ABHD3: variants seen among roughly 807,000 people sequenced by gnomAD.
ABHD3 encodes the protein phospholipase ABHD3.
In ABHD3, 46 loss-of-function variants were observed where a neutral mutation model predicts 48.8. That is an observed-to-expected ratio of 0.94 (90% confidence interval 0.74 to 1.20). The LOEUF (loss-of-function observed/expected upper bound fraction) is 1.20. Among genes scored for constraint, ABHD3 ranks in the 50% most tolerant of loss-of-function variants. ABHD3 has a pLI of 0.00. For missense variants in ABHD3, 490 were observed against 497.8 expected (o/e 0.98, Z 0.15); for synonymous variants, 192 against 183.7 (o/e 1.04, Z -0.36).
intron 4 of ABHD3, among the ~76,000 whole-genome samples, chr18:21,678,496 G>C (rs919756268): frequency 1.3e-5 from 2 of 152,034 alleles, no homozygotes; most frequent in Admixed American, 6.5e-5. Flanking sequence ...ACTAAAAATA[G>C]CTTTCTGTGT....
chr18:21,663,718 A>G, intron 5 of ABHD3: 4 of 1,535,628 alleles, frequency 2.6e-6, no homozygotes, highest in Non-Finnish European at 3.5e-6. Flanking sequence ...AGCTGGAGAG[A>G]GCAATAAGTG....
At chr18:21,697,628 G>A (rs1049643677) in intron 3 of ABHD3, among the ~76,000 whole-genome samples, 3 of 151,970 alleles carry the variant, frequency 2.0e-5, no homozygotes, top group East Asian at 3.9e-4. Context: ...TGATCCACCC[G>A]CCTCGGCCTC....
chr18:21,692,896 G>C (rs1225701141), intron 3 of ABHD3, among the ~76,000 whole-genome samples: 1 of 152,188 alleles, frequency 6.6e-6, no homozygotes, highest in Non-Finnish European at 1.5e-5. Context: ...GTGCTTGTAA[G>C]TAACAGTTGT....
chr18:21,700,827 CAAAAAAAAA>C (rs375239917), intron 3 of ABHD3, among the ~76,000 whole-genome samples: 3 of 94,396 alleles, frequency 3.2e-5, no homozygotes, highest in Non-Finnish European at 4.4e-5. Flanking sequence ...AAGTTTTAGC[CAAAAAAAAA>C]AAAAAAAAAA....
intron 4 of ABHD3, among the ~76,000 whole-genome samples, chr18:21,681,322 C>A (rs550603757): frequency 1.3e-5 from 2 of 152,280 alleles, no homozygotes; most frequent in East Asian, 3.9e-4. Flanking sequence ...ATAGCAGCAT[C>A]TTCCATCAGC....
At chr18:21,683,835 TTAAA>T (rs1568154964) in intron 4 of ABHD3, 81 bp downstream of exon 4, 2 of 1,343,420 alleles carry the variant, frequency 1.5e-6, no homozygotes, top group African/African-American at 3.0e-5. Context: ...CAGAGTTATT[TTAAA>T]TAAAAAGAAT....
At chr18:21,669,530 C>T (rs1021993081) in intron 4 of ABHD3, among the ~76,000 whole-genome samples, 1 of 152,150 alleles carries the variant, frequency 6.6e-6, no homozygotes, top group Non-Finnish European at 1.5e-5. Context: ...CACCTCTCCC[C>T]AGTGACTGAA....
intron 2 of ABHD3, 31 bp downstream of exon 2, chr18:21,703,553 C>A (rs974308193): frequency 1.9e-6 from 3 of 1,588,786 alleles, no homozygotes; most frequent in Non-Finnish European, 2.6e-6. Context: ...TGTGATTTTG[C>A]AGAAATGACT....
intron 3 of ABHD3, among the ~76,000 whole-genome samples, chr18:21,687,008 T>A (rs1402820293): frequency 6.6e-5 from 10 of 152,008 alleles, no homozygotes; most frequent in Admixed American, 3.9e-4. Flanking sequence ...CTCAACCTCC[T>A]GGGCTCATGT....
At chr18:21,692,910 T>C (rs1175169041) in intron 3 of ABHD3, among the ~76,000 whole-genome samples, 1 of 152,214 alleles carries the variant, frequency 6.6e-6, no homozygotes, top group African/African-American at 2.4e-5. Context: ...CAGTTGTTAC[T>C]CCAGTGTCAC....
intron 3 of ABHD3, among the ~76,000 whole-genome samples, chr18:21,695,621 C>T (rs2040352978): frequency 6.7e-6 from 1 of 149,376 alleles, no homozygotes; most frequent in African/African-American, 2.5e-5. Flanking sequence ...ATTAAATTTG[C>T]CATTACTTTT....
At chr18:21,683,880 C>G (rs1249214468) in intron 4 of ABHD3, 40 bp downstream of exon 4, 1 of 1,517,628 alleles carries the variant, frequency 6.6e-7, no homozygotes, top group Non-Finnish European at 8.9e-7. Flanking sequence ...AGAAATGATT[C>G]TTTAAAAAGT....
At chr18:21,679,171 T>C (rs2039952825) in intron 4 of ABHD3, among the ~76,000 whole-genome samples, 1 of 152,222 alleles carries the variant, frequency 6.6e-6, no homozygotes, top group Non-Finnish European at 1.5e-5. Context: ...CTAAGCTACA[T>C]TAAATTATTT....
intron 3 of ABHD3, among the ~76,000 whole-genome samples, chr18:21,697,883 C>T (rs2040416217): frequency 6.6e-6 from 1 of 152,006 alleles, no homozygotes; most frequent in Non-Finnish European, 1.5e-5. Context: ...TTTGACCATA[C>T]GCTGGGAGTT....
chr18:21,690,503 G>T (rs2040223675), intron 3 of ABHD3, among the ~76,000 whole-genome samples: 1 of 152,030 alleles, frequency 6.6e-6, no homozygotes, highest in East Asian at 1.9e-4. Context: ...TCAGGAGGTT[G>T]AGGCAGGAGA....
intron 4 of ABHD3, among the ~76,000 whole-genome samples, chr18:21,670,324 T>C (rs2039729180): frequency 6.6e-6 from 1 of 152,052 alleles, no homozygotes; most frequent in Non-Finnish European, 1.5e-5. Context: ...TACAAGGCCT[T>C]TTTGCCTCTC....
chr18:21,657,241 T>A, intron 6 of ABHD3, 89 bp from the exon 7 acceptor site: 1 of 1,191,226 alleles, frequency 8.4e-7, no homozygotes, highest in Non-Finnish European at 1.2e-6. Context: ...CTAAACAGCC[T>A]ACCACAGGGC....
intron 4 of ABHD3, among the ~76,000 whole-genome samples, chr18:21,678,074 C>T (rs1347943706): frequency 6.6e-6 from 1 of 152,150 alleles, no homozygotes; most frequent in Non-Finnish European, 1.5e-5. Flanking sequence ...CTCCTGTACT[C>T]AGCCTCCCAA....
intron 3 of ABHD3, among the ~76,000 whole-genome samples, chr18:21,697,194 GCCT>G (rs2040390668): frequency 1.3e-5 from 2 of 150,494 alleles, no homozygotes; most frequent in Admixed American, 1.3e-4. Context: ...TTCTGCCTCA[GCCT>G]CCTGAGTAGC....
Sources: allele counts gnomAD v4.1 joint callset (sites outside exome capture counted in the v4.1 genomes callset), GRCh38; gene constraint gnomAD v4.1.1; transcripts MANE v1.5; gene names NCBI Gene and HGNC (gene_info 2026-07-23, HGNC 2026-07-21).